Variants in HEATR6 observed in about 807,000 individuals in gnomAD.
The protein encoded by HEATR6 is HEAT repeat-containing protein 6.
A neutral mutation model predicts 132.8 loss-of-function variants in HEATR6; 106 were observed. The observed-to-expected ratio is 0.80, with a 90% CI of 0.68 to 0.94. The LOEUF (loss-of-function observed/expected upper bound fraction) is 0.94. HEATR6 is among the 40% of genes least tolerant of loss of function. HEATR6 has a pLI of 0.00. For missense variants in HEATR6, 1,339 were observed against 1,425.1 expected, an observed-to-expected ratio of 0.94 and a Z score of 0.97; for synonymous variants, 529 against 537.8, an observed-to-expected ratio of 0.98 and a Z score of 0.23.
At chr17:60,071,042 T>G (rs1597956467) in intron 5 of HEATR6, among the ~76,000 whole-genome samples, 1 of 152,338 alleles carries the variant, frequency 6.6e-6, no homozygotes, top group East Asian at 1.9e-4. Context: ...TTATTGTACA[T>G]GTTTATAAAC....
intron 9 of HEATR6, among the ~76,000 whole-genome samples, chr17:60,062,534 T>C (rs2083217635): frequency 1.3e-5 from 2 of 152,208 alleles, no homozygotes; most frequent in Non-Finnish European, 2.9e-5. Flanking sequence ...ATTTTTTTCC[T>C]CTTTATGTGT....
chr17:60,077,180 A>T (rs1174734844), intron 1 of HEATR6, among the ~76,000 whole-genome samples: 5 of 152,218 alleles, frequency 3.3e-5, no homozygotes, highest in Admixed American at 3.3e-4. Context: ...AGAATAAAGT[A>T]CAAACTCTGT....
intron 11 of HEATR6, among the ~76,000 whole-genome samples, chr17:60,058,441 G>A (rs1047932924): frequency 6.6e-6 from 1 of 152,224 alleles, no homozygotes; most frequent in Non-Finnish European, 1.5e-5. Context: ...ACTCTCCTCA[G>A]CTGAAGATGC....
intron 4 of HEATR6, 143 bp downstream of exon 4, chr17:60,073,021 T>C (rs1568645009): frequency 2.0e-6 from 1 of 503,926 alleles, no homozygotes; most frequent in African/African-American, 1.9e-5. Context: ...CATAAGATGA[T>C]TTTATTAGTA....
chr17:60,060,233 T>C (rs1906889684), intron 9 of HEATR6, 137 bp from the exon 10 acceptor site: 2 of 649,874 alleles, frequency 3.1e-6, no homozygotes, highest in Non-Finnish European at 5.2e-6. Context: ...TATCTGTTAG[T>C]TCCTAAAAAC....
Position 60,047,302 on chromosome 17 carries a change from A to C in HEATR6, c.2769+7T>G, listed in dbSNP as rs757845788. ...TTGGGAGATACTGGGTTTTGTTGTG[A>C]GTCTACCTTGTCTTTATCCTTGGAT... On this transcript the variant is annotated splice_region_variant and intron_variant, in intron 18 of 19. Transcript: ENST00000184956. 1 of 1,583,050 alleles carries C rather than the reference A, an allele frequency of 6.3e-7. No individual in the cohort carries two copies.
At chr17:60,072,453 T>C (rs1230706426) in intron 4 of HEATR6, 124 bp from the exon 5 acceptor site, 4 of 470,096 alleles carry the variant, frequency 8.5e-6, no homozygotes, top group East Asian at 3.3e-5. Flanking sequence ...AGTGCAACTA[T>C]GCTATGGAAA....
At position 60,043,507 on chromosome 17, in the gene HEATR6, T is replaced by C. The variant is rs952549369; in HGVS notation, c.*56A>G. 1 of 1,365,850 alleles carries C rather than the reference T, an allele frequency of 7.3e-7. No individual in the cohort carries two copies. The highest frequency in any genetic ancestry group is 1.4e-5 in the African/African-American group (1 of 69,068). The allele number at this position is 1,365,850 out of a possible 1,614,324, so 84.6% of individuals were successfully genotyped here. On this transcript the variant is annotated 3_prime_UTR_variant, in exon 20 of 20. Transcript: ENST00000184956. ...AGATGAAATCCCACAGATCTTATGC[T>C]CAAGCTCAGGTCTTCCTACTGCCGC...
Position 60,076,239 on chromosome 17 carries a change from T to C in HEATR6, c.220-2A>G. 1 of 1,539,358 alleles carries C rather than the reference T, an allele frequency of 6.5e-7. No homozygotes were observed. ...CTGGACAAGAAGAGCACTAACGTCC[T>C]ACCAAAAAAAAAAAGATAAGAGGTA... is the stretch of plus-strand genomic sequence containing the variant. On this transcript the variant is annotated splice_acceptor_variant, in intron 1 of 19. Transcript: ENST00000184956. LOFTEE classifies it high-confidence loss of function.
At chr17:60,044,607 A>C (rs921021097) in intron 19 of HEATR6, among the ~76,000 whole-genome samples, 4 of 152,238 alleles carry the variant, frequency 2.6e-5, no homozygotes, top group Non-Finnish European at 5.9e-5. Context: ...TTTTATTGCA[A>C]AGAAAAAGAA....
intron 19 of HEATR6, among the ~76,000 whole-genome samples, chr17:60,044,472 C>T (rs749664705): frequency 2.2e-4 from 33 of 152,160 alleles, no homozygotes; most frequent in Non-Finnish European, 4.1e-4. Context: ...GTGGGCAGAG[C>T]GTGGACTGAA....
rs756557741 is a variant in HEATR6, at chr17:60,073,255, T to C, written c.493A>G (p.Thr165Ala). Residue 165 changes from threonine (T) to alanine (A), a missense_variant, in exon 4 of 20, where the codon ACC becomes GCC. Physicochemically the swap from Thr to Ala is moderately conservative, Grantham distance 58 (BLOSUM62 0). Coordinates refer to ENST00000184956, the MANE Select transcript of HEATR6 (RefSeq NM_022070.5). The part of the protein sequence containing the change: ...QKYLPELLGN[T>A]GLLMKLSDLA... ...TCACTCAACTTCATTAAGAGTCCGG[T>C]GTTGCCTAGCAGCTCTGGGAGGTAC... 1 of 1,612,522 alleles carries C rather than the reference T, an allele frequency of 6.2e-7. No homozygotes were observed. The highest frequency in any genetic ancestry group is 1.7e-5 in the Admixed American group (1 of 60,014).
At position 60,057,047 on chromosome 17, in the gene HEATR6, C is replaced by A; in HGVS notation, c.2079+1G>T. On this transcript the variant is annotated splice_donor_variant, in intron 12 of 19. Transcript: ENST00000184956. LOFTEE classifies it high-confidence loss of function. Reference sequence around the variant, plus strand: ...AGAGATGAGGAAATGAAATCTCCTACCTGTAAGGCCTCCAGTCGCATGGGG... The same window carrying A: ...AGAGATGAGGAAATGAAATCTCCTAACTGTAAGGCCTCCAGTCGCATGGGG... 6.4e-7 allele frequency: 1 copy of A among 1,573,916 alleles called. No homozygotes were observed. The highest frequency in any genetic ancestry group is 8.6e-7 in the Non-Finnish European group (1 of 1,157,590).
intron 11 of HEATR6, 120 bp downstream of exon 11, chr17:60,059,302 G>C (rs1906855254): frequency 1.7e-6 from 1 of 571,698 alleles, no homozygotes; most frequent in African/African-American, 2.0e-5. Flanking sequence ...AATAAGCAGA[G>C]ATCTCTTAAG....
chr17:60,050,152 C>A (rs1262811943), intron 15 of HEATR6, among the ~76,000 whole-genome samples: 1 of 152,038 alleles, frequency 6.6e-6, no homozygotes, highest in African/African-American at 2.4e-5. Context: ...GGAACAGAGC[C>A]CTCATGAAAG....
rs1843735424 is a variant in HEATR6 at position 60,050,883 on chromosome 17, G to A, written c.2384C>T (p.Ala795Val). The change falls in exon 15 of 20, where the codon GCC (alanine) becomes GTC (valine). Residue 795 changes from alanine (A) to valine (V), a missense_variant. Coordinates refer to ENST00000184956, the MANE Select transcript of HEATR6 (RefSeq NM_022070.5). Reference protein sequence around the residue: ...HPTLQASACDALSSILPEAFS... With the variant: ...HPTLQASACDVLSSILPEAFS... The stretch of plus-strand genomic sequence containing the variant: ...GGCCTCTGGCAAGATGGAAGACAGG[G>A]CATCACAGGCGCTCGCCTGGAGAGT... 2.5e-6 allele frequency: 4 copies of A among 1,614,194 alleles called. No homozygotes were observed. The East Asian group carries it at 6.7e-5, about 27-fold the overall frequency.
At chr17:60,045,301 C>T (rs1419451637) in intron 19 of HEATR6, among the ~76,000 whole-genome samples, 1 of 152,216 alleles carries the variant, frequency 6.6e-6, no homozygotes, top group East Asian at 1.9e-4. Flanking sequence ...GCCAGACTCC[C>T]CTCACTTGAT....
At chr17:60,056,275 A>C (rs1479571483) in intron 12 of HEATR6, 38 bp from the exon 13 acceptor site, 2 of 1,570,856 alleles carry the variant, frequency 1.3e-6, no homozygotes, top group Non-Finnish European at 1.7e-6. Flanking sequence ...CTAAGACCTG[A>C]GTGCAAGGCT....
chr17:60,073,347 TTTC>T, intron 3 of HEATR6, 68 bp from the exon 4 acceptor site: 1 of 920,052 alleles, frequency 1.1e-6, no homozygotes, highest in Non-Finnish European at 1.7e-6. Context: ...TTTAGACAGA[TTTC>T]TTCTTTCTTT....
Sources: allele counts gnomAD v4.1 joint callset (sites outside exome capture counted in the v4.1 genomes callset), GRCh38; gene constraint gnomAD v4.1.1; transcripts MANE v1.5; gene names NCBI Gene and HGNC (gene_info 2026-07-23, HGNC 2026-07-21).